BNC2: variants seen among roughly 807,000 people sequenced by gnomAD.
BNC2 encodes zinc finger protein basonuclin-2.
Under a neutral mutation model 76.3 loss-of-function variants are expected in BNC2, and 20 were observed. That is an observed-to-expected ratio of 0.26 (90% CI 0.18 to 0.38). The LOEUF is 0.38. BNC2 is among the 10% of genes least tolerant of loss of function. The pLI is 1.00. For missense variants in BNC2, 1,382 were observed against 1,399.8 expected (o/e 0.99, Z 0.20); for synonymous variants, 582 against 514.8 (o/e 1.13, Z -1.77).
In BNC2 at chr9:16,413,351, G is replaced by A. The variant is rs896005783; in HGVS notation, c.*5638C>T. 2 of 112,888 alleles carry A rather than the reference G, an allele frequency of 1.8e-5. No individual in the cohort carries two copies. The highest frequency in any genetic ancestry group is 1.0e-4 in the African/African-American group (2 of 19,048). The allele number at this position is 112,888 out of a possible 1,614,324, so 7.0% of individuals were successfully genotyped here. Reference sequence around the variant, plus strand: ...TCCAATTCAGTGTACATGTAAAAATGCTTAGTTTTTTTTTTTTTTTTAACC... The same window carrying A: ...TCCAATTCAGTGTACATGTAAAAATACTTAGTTTTTTTTTTTTTTTTAACC... On this transcript the variant is annotated 3_prime_UTR_variant, in exon 7 of 7. Transcript: ENST00000380672.
chr9:16,532,831 C>G (rs1391906814), intron 5 of BNC2, among the ~76,000 whole-genome samples: 1 of 152,166 alleles, frequency 6.6e-6, no homozygotes, highest in African/African-American at 2.4e-5. Context: ...AGCATCTCTT[C>G]CCAACTCCAT....
At chr9:16,566,601 A>G (rs1365320064) in intron 4 of BNC2, among the ~76,000 whole-genome samples, 6 of 152,232 alleles carry the variant, frequency 3.9e-5, no homozygotes, top group Non-Finnish European at 8.8e-5. Flanking sequence ...AATATGGTTA[A>G]GAAAAAGAAT....
intron 1 of BNC2, among the ~76,000 whole-genome samples, chr9:16,750,613 G>C (rs1173041634): frequency 6.6e-6 from 1 of 152,224 alleles, no homozygotes; most frequent in Admixed American, 6.5e-5. Flanking sequence ...GAATCTGCCA[G>C]ATTTCTACAA....
chr9:16,431,391 A>C (rs1042132818), intron 6 of BNC2: 3 of 450,488 alleles, frequency 6.7e-6, no homozygotes, highest in African/African-American at 6.0e-5. Flanking sequence ...ATGAAAGGTA[A>C]ATTACACCCA....
At chr9:16,784,159 C>T (rs1327447017) in intron 1 of BNC2, among the ~76,000 whole-genome samples, 1 of 152,186 alleles carries the variant, frequency 6.6e-6, no homozygotes, top group Admixed American at 6.5e-5. Context: ...TGCCACACTG[C>T]TGTAGCACTG....
chr9:16,820,254 C>T (rs534079215), intron 1 of BNC2, among the ~76,000 whole-genome samples: 2 of 150,996 alleles, frequency 1.3e-5, no homozygotes, highest in Admixed American at 1.3e-4. Flanking sequence ...GGTGAAACCC[C>T]GTCTCTACCA....
chr9:16,729,814 T>G (rs1296530104), intron 2 of BNC2, among the ~76,000 whole-genome samples: 1 of 152,152 alleles, frequency 6.6e-6, no homozygotes, highest in Non-Finnish European at 1.5e-5. Flanking sequence ...GAAGTGGCAC[T>G]CAGTGCCTCA....
intron 5 of BNC2, among the ~76,000 whole-genome samples, chr9:16,470,591 G>T (rs1281498220): frequency 6.6e-6 from 1 of 152,172 alleles, no homozygotes; most frequent in Admixed American, 6.5e-5. Flanking sequence ...CTAGGAACTT[G>T]GTGCCCTGTA....
intron 3 of BNC2, among the ~76,000 whole-genome samples, chr9:16,598,253 G>A (rs935603916): frequency 4.6e-5 from 7 of 151,788 alleles, no homozygotes; most frequent in Non-Finnish European, 8.8e-5. Flanking sequence ...ATCTGACTGG[G>A]GAAAAAATAA....
At position 16,552,662 on chromosome 9, in the gene BNC2, T is replaced by C; in HGVS notation, c.537A>G (p.Thr179=). ...TCTTTAGCCGCACAGGCACTGCTTG[T>C]GTCCCATAGAGCATCAGGCTGCTGA... ...FDISSLMLYG[T]QAVPVRLKIL... Residue 179 remains threonine (T), a synonymous_variant, in exon 5 of 7, where the codon ACA becomes ACG. Transcript: ENST00000380672. 6.2e-7 allele frequency: 1 copy of C among 1,614,212 alleles called. No homozygotes were observed. The highest frequency in any genetic ancestry group is 8.5e-7 in the Non-Finnish European group (1 of 1,180,038).
intron 3 of BNC2, among the ~76,000 whole-genome samples, chr9:16,707,183 C>A (rs1475637404): frequency 1.3e-5 from 2 of 150,746 alleles, no homozygotes; most frequent in East Asian, 3.9e-4. Flanking sequence ...GCCTGGGCAA[C>A]AGAGCAAGAC....
chr9:16,687,353 G>A (rs1207794517), intron 3 of BNC2, among the ~76,000 whole-genome samples: 3 of 152,108 alleles, frequency 2.0e-5, no homozygotes, highest in Non-Finnish European at 4.4e-5. Context: ...CTTGGTCTAG[G>A]ACAACATAAG....
chr9:16,649,930 T>C (rs1280932700), intron 3 of BNC2, among the ~76,000 whole-genome samples: 1 of 152,152 alleles, frequency 6.6e-6, no homozygotes, highest in African/African-American at 2.4e-5. Flanking sequence ...TCTGTAATCT[T>C]GCATTTTCAA....
intron 6 of BNC2, among the ~76,000 whole-genome samples, chr9:16,423,204 A>T (rs1820742120): frequency 6.6e-6 from 1 of 152,366 alleles, no homozygotes; most frequent in Middle Eastern, 3.4e-3. Flanking sequence ...AGTGTTCTGA[A>T]TATTTATCTC....
At chr9:16,684,376 T>C (rs1245631792) in intron 3 of BNC2, among the ~76,000 whole-genome samples, 1 of 152,164 alleles carries the variant, frequency 6.6e-6, no homozygotes, top group Non-Finnish European at 1.5e-5. Flanking sequence ...TTCTGTTGTA[T>C]CACAGACATA....
intron 1 of BNC2, among the ~76,000 whole-genome samples, chr9:16,854,936 A>G (rs773954361): frequency 6.6e-6 from 1 of 151,976 alleles, no homozygotes; most frequent in Non-Finnish European, 1.5e-5. Context: ...ATAGGAGGAG[A>G]AGACCCTCAG....
At chr9:16,620,996 G>A (rs927079834) in intron 3 of BNC2, among the ~76,000 whole-genome samples, 4 of 152,148 alleles carry the variant, frequency 2.6e-5, no homozygotes, top group Non-Finnish European at 4.4e-5. Context: ...TGGTTCCGCT[G>A]TTGTCACAGA....
chr9:16,724,443 G>C (rs907652801), intron 3 of BNC2, among the ~76,000 whole-genome samples: 3 of 151,974 alleles, frequency 2.0e-5, no homozygotes, highest in Non-Finnish European at 4.4e-5. Flanking sequence ...TGATCAAACT[G>C]ATCCAAAGAA....
intron 1 of BNC2, among the ~76,000 whole-genome samples, chr9:16,814,447 T>C (rs535461306): frequency 6.6e-6 from 1 of 152,364 alleles, no homozygotes; most frequent in Non-Finnish European, 1.5e-5. Context: ...GAAGCCTTAC[T>C]ATTTAAAAGA....
Sources: allele counts gnomAD v4.1 joint callset (sites outside exome capture counted in the v4.1 genomes callset), GRCh38; gene constraint gnomAD v4.1.1; transcripts MANE v1.5; gene names NCBI Gene and HGNC (gene_info 2026-07-23, HGNC 2026-07-21).